Variants in GALNT2 observed in about 807,000 individuals in gnomAD.
The protein encoded by GALNT2 is UDP-GalNAc:polypeptide N-acetylgalactosaminyltransferase 2.
Under a neutral mutation model 81.4 loss-of-function variants are expected in GALNT2, and 31 were observed. The ratio of observed to expected loss-of-function variants is 0.38; its 90% CI spans 0.29 to 0.51. The LOEUF (loss-of-function observed/expected upper bound fraction) is 0.51, where lower values mean the gene tolerates loss of function less well. Ranked by LOEUF, GALNT2 falls within the 20% of genes least tolerant of loss-of-function variation. GALNT2 has a pLI of 0.87. For synonymous variants in GALNT2, 303 were observed against 287.4 expected, an observed-to-expected ratio of 1.05 and a Z score of -0.55; for missense variants, 629 against 765.7, an observed-to-expected ratio of 0.82 and a Z score of 2.11.
chr1:230,177,751 T>C (rs1663030531), intron 1 of GALNT2, among the ~76,000 whole-genome samples: 1 of 152,182 alleles, frequency 6.6e-6, no homozygotes, highest in Non-Finnish European at 1.5e-5. Flanking sequence ...TTTAACACTC[T>C]CTGAGGGGAG....
chr1:230,180,443 A>G (rs606587), intron 2 of GALNT2, among the ~76,000 whole-genome samples: 61,295 of 150,946 alleles, frequency 0.41, 13,154 homozygotes, highest in East Asian at 0.7. Context: ...TCTATATTGG[A>G]GCTCTTTATT....
chr1:230,243,462 G>T lies in GALNT2; in HGVS notation c.729+35G>T. ...CGGGGGCTGGGAGGGGTGTCAGGTC[G>T]TGGGTGGTTGGTAGAGGGGACAGAA... On this transcript the variant is annotated intron_variant, in intron 7 of 15. Coordinates refer to ENST00000366672, the MANE Select transcript of GALNT2 (RefSeq NM_004481.5). The surrounding 1 kb of genome is among the most constrained non-coding windows in gnomAD (Gnocchi z 4.2). 2 of 1,604,184 alleles carry T rather than the reference G, an allele frequency of 1.2e-6. No homozygotes were observed. Among genetic ancestry groups the T allele is most frequent in the Non-Finnish European group, 1.7e-6 (2 of 1,178,758 alleles).
At chr1:230,234,823 C>T (rs1664975365) in intron 3 of GALNT2, among the ~76,000 whole-genome samples, 1 of 152,176 alleles carries the variant, frequency 6.6e-6, no homozygotes, top group South Asian at 2.1e-4. Context: ...AAGGGTTCCT[C>T]CTGATGGGTT....
intron 8 of GALNT2, among the ~76,000 whole-genome samples, chr1:230,248,936 C>T (rs1665457566): frequency 6.6e-6 from 1 of 152,164 alleles, no homozygotes; most frequent in African/African-American, 2.4e-5. Context: ...AAAAGCCTGA[C>T]TCACATTTTC....
chr1:230,221,651 G>T (rs963375578), intron 3 of GALNT2, among the ~76,000 whole-genome samples: 5 of 152,158 alleles, frequency 3.3e-5, no homozygotes, highest in African/African-American at 4.8e-5. Flanking sequence ...AAACTGATTT[G>T]TAAAGGAGTT....
At chr1:230,151,276 CTGT>C (rs374563295) in intron 1 of GALNT2, among the ~76,000 whole-genome samples, 116 of 152,344 alleles carry the variant, frequency 7.6e-4, no homozygotes, top group African/African-American at 2.7e-3. Flanking sequence ...GTAGAACGCA[CTGT>C]TGTGTCACTT....
At chr1:230,185,383 C>T (rs576774358) in intron 2 of GALNT2, among the ~76,000 whole-genome samples, 5 of 151,834 alleles carry the variant, frequency 3.3e-5, no homozygotes, top group East Asian at 3.9e-4. Context: ...ACTTGGTGCA[C>T]GGAACCCTGG....
chr1:230,141,872 G>A (rs1661750967), intron 1 of GALNT2, among the ~76,000 whole-genome samples: 2 of 144,224 alleles, frequency 1.4e-5, no homozygotes, highest in Admixed American at 7.5e-5. Context: ...TCTCACTGCA[G>A]CATCAAACGC....
intron 2 of GALNT2, among the ~76,000 whole-genome samples, chr1:230,190,824 C>T (rs146225479): frequency 1.3e-3 from 195 of 152,262 alleles, no homozygotes; most frequent in African/African-American, 4.3e-3. Flanking sequence ...ACATCTCGAC[C>T]GCCATCGGCT....
intron 1 of GALNT2, among the ~76,000 whole-genome samples, chr1:230,132,267 C>G (rs1280563137): frequency 3.3e-5 from 5 of 152,112 alleles, no homozygotes; most frequent in African/African-American, 1.2e-4. Flanking sequence ...TTCACTGCCC[C>G]GAAATAGATA....
chr1:230,273,957 A>C (rs1322698466), intron 14 of GALNT2, among the ~76,000 whole-genome samples: 1 of 152,354 alleles, frequency 6.6e-6, no homozygotes, highest in Non-Finnish European at 1.5e-5. Context: ...TTTTGCTTAC[A>C]TATGCAATGT....
Position 230,236,046 on chromosome 1 carries a change from C to G in GALNT2, c.407C>G (p.Pro136Arg). Residue 136 changes from proline (P) to arginine (R), a missense_variant, in exon 4 of 16, where the codon CCG becomes CGG. Pro to Arg is a moderately radical substitution (Grantham distance 103). Around this residue, in one of 3 missense-constraint regions of GALNT2, gnomAD observed 360 missense variants for 492.8 expected, o/e 0.73. Coordinates refer to ENST00000366672, the MANE Select transcript of GALNT2 (RefSeq NM_004481.5). ...CGGAAGCAGTGGCGGGTGGATCTGC[C>G]GGCCACCAGCGTGGTGATCACGTTT... ...CQRKQWRVDL[P>R]ATSVVITFHN... The G allele has an allele frequency of 6.2e-7, 1 of 1,613,528 alleles. No individual in the cohort carries two copies.
At position 230,129,955 on chromosome 1, in the gene GALNT2, C is replaced by G. The variant is rs148871356; in HGVS notation, c.127-48263C>G. Among the ~76,000 whole-genome samples the G allele has an allele frequency of 2.0e-4, 30 of 152,358 alleles. No homozygotes were observed. The East Asian group carries it at 5.0e-3, about 26-fold the overall frequency. On this transcript the variant is annotated intron_variant, in intron 1 of 15. Transcript: ENST00000366672. ...TGCAGCTTCCTGTGGACAGGCATCA[C>G]CCGTCTGCTGAAGTACGCTGAACGG...
chr1:230,094,012 GTGTGTT>G (rs533787477), intron 1 of GALNT2, among the ~76,000 whole-genome samples: 143 of 152,078 alleles, frequency 9.4e-4, no homozygotes, highest in African/African-American at 3.3e-3. Context: ...ACCTGTGTGT[GTGTGTT>G]TGAGATAGGG....
chr1:230,240,106 C>T (rs1337440628), intron 6 of GALNT2, among the ~76,000 whole-genome samples: 2 of 152,194 alleles, frequency 1.3e-5, no homozygotes, highest in East Asian at 3.9e-4. Context: ...TCATATTTTC[C>T]ATTTGTAGTA....
At chr1:230,175,754 T>G (rs1207405929) in intron 1 of GALNT2, among the ~76,000 whole-genome samples, 1 of 151,228 alleles carries the variant, frequency 6.6e-6, no homozygotes, top group Admixed American at 6.6e-5. Context: ...TCTGCAGGTT[T>G]TGGCCTGGGA....
At chr1:230,185,273 C>CGTGT (rs1177553093) in intron 2 of GALNT2, among the ~76,000 whole-genome samples, 70 of 119,504 alleles carry the variant, frequency 5.9e-4, no homozygotes, top group African/African-American at 1.4e-3. Flanking sequence ...TGCGTGCGTG[C>CGTGT]GTGTGTGTGT....
At position 230,279,325 on chromosome 1, in the gene GALNT2, A is replaced by G. The variant is rs780061153; in HGVS notation, c.1583A>G (p.Asn528Ser). 1.1e-5 allele frequency: 18 copies of G among 1,613,906 alleles called. No homozygotes were observed. Among genetic ancestry groups the G allele is most frequent in the Non-Finnish European group, 1.5e-5 (18 of 1,180,000 alleles). Residue 528 changes from asparagine to serine, a missense_variant, in exon 16 of 16, where the codon AAC becomes AGC. Around this residue, in one of 3 missense-constraint regions of GALNT2, gnomAD observed 207 missense variants for 225.5 expected, o/e 0.92. Transcript: ENST00000366672. The surrounding 1 kb of genome is among the most constrained non-coding windows in gnomAD (Gnocchi z 4.6). ...CAGAAATGGGAACAGATCGAGGGCA[A>G]CTCCAAGCTGAGGCACGTGGGCAGC... ...SRQKWEQIEG[N>S]SKLRHVGSNL...
At chr1:230,234,783 G>A (rs1431336619) in intron 3 of GALNT2, among the ~76,000 whole-genome samples, 1 of 152,172 alleles carries the variant, frequency 6.6e-6, no homozygotes, top group Non-Finnish European at 1.5e-5. Flanking sequence ...TCTGTACTAG[G>A]ATGCTCTTAG....
Sources: gnomAD v4.1 joint callset for allele counts (sites outside exome capture counted in the v4.1 genomes callset) on GRCh38, gnomAD v4.1.1 for gene constraint, gnomAD v4.1.1 regional missense constraint, Gnocchi (gnomAD v3.1) non-coding constraint, MANE v1.5 for transcripts, NCBI Gene and HGNC (gene_info 2026-07-23, HGNC 2026-07-21) for gene names.